DNAH7: variants seen among roughly 807,000 people sequenced by gnomAD.
The protein encoded by DNAH7 is dynein axonemal heavy chain 7.
A neutral mutation model predicts 444.6 loss-of-function variants in DNAH7; 397 were observed. That is an observed-to-expected ratio of 0.89 (90% CI 0.82 to 0.97). DNAH7 has a LOEUF of 0.97. Ranked by LOEUF, DNAH7 falls within the 50% of genes least tolerant of loss-of-function variation. DNAH7 has a pLI of 0.00. For synonymous variants in DNAH7, 1,636 were observed against 1,624.4 expected (o/e 1.01, Z -0.17); for missense variants, 4,902 against 4,800.8 (o/e 1.02, Z -0.62).
At chr2:195,926,389 A>G in intron 22 of DNAH7, 37 bp downstream of exon 22, 1 of 1,454,632 alleles carries the variant, frequency 6.9e-7, no homozygotes, top group Non-Finnish European at 9.1e-7. Flanking sequence ...CTATTGAAAA[A>G]ATGCTTAAAA....
chr2:195,779,530 T>A (rs1474741959), intron 58 of DNAH7, among the ~76,000 whole-genome samples: 1 of 152,170 alleles, frequency 6.6e-6, no homozygotes, highest in Non-Finnish European at 1.5e-5. Context: ...CCACAATTAT[T>A]TCATATGTTT....
rs199987831 is a variant in DNAH7 at position 195,987,977 on chromosome 2, T to G, written c.1606A>C (p.Ile536Leu). The change falls in exon 13 of 65, where the codon ATA becomes CTA. Residue 536 changes from isoleucine (I) to leucine (L), a missense_variant. Transcript: ENST00000312428. ...ICKYQKLIEEIQYTSIKTIRL... is the reference protein window; with the variant it reads ...ICKYQKLIEELQYTSIKTIRL... The stretch of plus-strand genomic sequence containing the variant: ...TTTACCTTTATGGATGTGTACTGTA[T>G]TTCCTCTATTAGTTTCTGGTATTTG... The G allele has an allele frequency of 5.5e-5, 88 of 1,611,420 alleles. No homozygotes were observed. The highest frequency in any genetic ancestry group is 3.3e-4 in the Admixed American group (20 of 59,782).
Position 195,888,353 on chromosome 2 carries a change from G to T in DNAH7, c.5311C>A (p.Pro1771Thr). The change falls in exon 33 of 65, where the codon CCT (proline) becomes ACT (threonine). Residue 1771 changes from proline to threonine, a missense_variant. By Grantham distance (38) the Pro-to-Thr change is conservative. Transcript: ENST00000312428. Reference protein sequence around the residue: ...PLMLSWVNLLPASVSVIQKEF... With the variant: ...PLMLSWVNLLTASVSVIQKEF... ...TTTTGAATAACACTGACTGACGCAG[G>T]TAACAGATTCACCCAGGACAACATC... The T allele has an allele frequency of 6.2e-7, 1 of 1,609,950 alleles. No individual in the cohort carries two copies. The highest frequency in any genetic ancestry group is 2.2e-5 in the East Asian group (1 of 44,624).
chr2:195,986,987 A>T, intron 14 of DNAH7, 79 bp downstream of exon 14: 1 of 1,276,384 alleles, frequency 7.8e-7, no homozygotes, highest in Non-Finnish European at 1.1e-6. Flanking sequence ...TGCTTTAATC[A>T]ATTACTCTAG....
At position 195,824,405 on chromosome 2, in the gene DNAH7, C is replaced by G. The variant is rs750482219; in HGVS notation, c.9141G>C (p.Leu3047Phe). The G allele has an allele frequency of 6.2e-7, 1 of 1,611,268 alleles. No individual in the cohort carries two copies. The highest frequency in any genetic ancestry group is 8.5e-7 in the Non-Finnish European group (1 of 1,178,498). Reference sequence around the variant, plus strand: ...AGGTTTGTTTTAGTAGAAGAGGTTCCAAAATAGGATCTAGTTCTTCGCCAA... The same window carrying G: ...AGGTTTGTTTTAGTAGAAGAGGTTCGAAAATAGGATCTAGTTCTTCGCCAA... The part of the protein sequence containing the change: ...ENVGEELDPI[L>F]EPLLLKQTFK... Residue 3047 changes from leucine to phenylalanine, a missense_variant, in exon 49 of 65, where the codon TTG (leucine) becomes TTC (phenylalanine). Leu to Phe is a conservative substitution (Grantham distance 22, BLOSUM62 0). Transcript: ENST00000312428.
intron 54 of DNAH7, among the ~76,000 whole-genome samples, chr2:195,805,449 G>A (rs1559109680): frequency 6.6e-6 from 1 of 152,106 alleles, no homozygotes; most frequent in East Asian, 1.9e-4. Context: ...AAACTTGTGA[G>A]GCTTAACACT....
chr2:195,909,927 G>T, intron 25 of DNAH7, 100 bp downstream of exon 25: 1 of 1,219,304 alleles, frequency 8.2e-7, no homozygotes, highest in Non-Finnish European at 1.1e-6. Flanking sequence ...TTTTACTTAA[G>T]CTACAGTAAA....
At chr2:195,986,696 T>C (rs1378003516) in intron 14 of DNAH7, among the ~76,000 whole-genome samples, 3 of 152,314 alleles carry the variant, frequency 2.0e-5, no homozygotes, top group East Asian at 3.9e-4. Flanking sequence ...AAGTTTCAAA[T>C]GTGATGGTCC....
chr2:195,953,740 T>C (rs527724356), intron 19 of DNAH7, among the ~76,000 whole-genome samples: 1 of 152,344 alleles, frequency 6.6e-6, no homozygotes, highest in Admixed American at 6.5e-5. Context: ...GTTTACACTG[T>C]AAGCCAGTTA....
chr2:195,861,908 T>A lies in DNAH7; in HGVS notation c.7545A>T (p.Arg2515=). The A allele has an allele frequency of 6.2e-7, 1 of 1,613,932 alleles. No individual in the cohort carries two copies. Among genetic ancestry groups the A allele is most frequent in the Non-Finnish European group, 8.5e-7 (1 of 1,179,876 alleles). Residue 2515 remains arginine (R), a synonymous_variant, in exon 42 of 65, where the codon CGA becomes CGT. Coordinates refer to ENST00000312428, the MANE Select transcript of DNAH7 (RefSeq NM_018897.3). ...CTGACATTTCAATTTCTTCCAAGAATCGTGAGGCAACTGCCTGGAGTGCAT... is the reference window on the plus strand; with the variant it reads ...CTGACATTTCAATTTCTTCCAAGAAACGTGAGGCAACTGCCTGGAGTGCAT... ...PEDALQAVAS[R]FLEEIEMSEE...
intron 40 of DNAH7, among the ~76,000 whole-genome samples, chr2:195,868,032 C>T (rs116097948): frequency 0.017 from 2,489 of 150,196 alleles, 36 homozygotes; most frequent in Non-Finnish European, 0.029. Flanking sequence ...TTACTGCCAG[C>T]TATGTATGAG....
In DNAH7 at chr2:195,789,387, G is replaced by A. The variant is rs549770884; in HGVS notation, c.10717-2216C>T. On this transcript the variant is annotated intron_variant, in intron 57 of 64. Coordinates refer to ENST00000312428, the MANE Select transcript of DNAH7 (RefSeq NM_018897.3). Reference sequence around the variant, plus strand: ...GGAGAAGGGAGAACTGTTGCTTGTAGTAGAGTGCCAAGTGTCGAATGTGGA... The same window carrying A: ...GGAGAAGGGAGAACTGTTGCTTGTAATAGAGTGCCAAGTGTCGAATGTGGA... Among the ~76,000 whole-genome samples, 44 of 152,166 alleles carry A rather than the reference G, an allele frequency of 2.9e-4. 1 individual carries two copies. Among genetic ancestry groups the A allele is most frequent in the Non-Finnish European group, 4.6e-4 (31 of 68,018 alleles).
intron 63 of DNAH7, among the ~76,000 whole-genome samples, chr2:195,746,238 A>G (rs1693395138): frequency 1.3e-5 from 2 of 152,066 alleles, no homozygotes; most frequent in Admixed American, 1.3e-4. Flanking sequence ...ACAAAGATCA[A>G]AAGAGACAAA....
chr2:195,856,227 T>C (rs1486578435), intron 44 of DNAH7, among the ~76,000 whole-genome samples: 1 of 152,198 alleles, frequency 6.6e-6, no homozygotes, highest in Non-Finnish European at 1.5e-5. Flanking sequence ...ATTTTGCCAG[T>C]ATGAATTTTG....
chr2:195,960,776 T>C lies in DNAH7; in HGVS notation c.2375A>G (p.Asn792Ser), dbSNP rs550370950. The change falls in exon 18 of 65, where the codon AAT becomes AGT. Residue 792 changes from asparagine to serine, a missense_variant. Asn to Ser is a conservative substitution (Grantham distance 46). Transcript: ENST00000312428. ...AATATCTGCTTCTACTTGGTCTGGATTCACTTTATGATATGGCCCTTCTGT... is the reference window on the plus strand; with the variant it reads ...AATATCTGCTTCTACTTGGTCTGGACTCACTTTATGATATGGCCCTTCTGT... Reference protein sequence around the residue: ...AWTEGPYHKVNPDQVEADIGN... With the variant: ...AWTEGPYHKVSPDQVEADIGN... 11 of 1,614,162 alleles carry C rather than the reference T, an allele frequency of 6.8e-6. No homozygotes were observed. The highest frequency in any genetic ancestry group is 1.7e-4 in the Middle Eastern group (1 of 6,060).
At chr2:195,829,692 C>A (rs1417036062) in intron 48 of DNAH7, among the ~76,000 whole-genome samples, 1 of 151,882 alleles carries the variant, frequency 6.6e-6, no homozygotes, top group African/African-American at 2.4e-5. Flanking sequence ...TAACATTTTT[C>A]TTAGTTTTGA....
At chr2:195,747,943 C>G (rs1326337721) in intron 63 of DNAH7, among the ~76,000 whole-genome samples, 1 of 152,184 alleles carries the variant, frequency 6.6e-6, no homozygotes, top group African/African-American at 2.4e-5. Context: ...GATGCCCTCT[C>G]TCACCACTCG....
At chr2:195,880,602 T>C (rs965965832) in intron 36 of DNAH7, among the ~76,000 whole-genome samples, 1 of 152,124 alleles carries the variant, frequency 6.6e-6, no homozygotes, top group Non-Finnish European at 1.5e-5. Flanking sequence ...CCTCCCAAAG[T>C]GCTGGGATTA....
chr2:195,778,681 CATATATAT>C (rs1185211093), intron 58 of DNAH7, among the ~76,000 whole-genome samples: 33 of 96,132 alleles, frequency 3.4e-4, no homozygotes, highest in Admixed American at 8.2e-4. Flanking sequence ...CACACACACA[CATATATAT>C]ACACATATAT....
Sources: gnomAD v4.1 joint callset for allele counts (sites outside exome capture counted in the v4.1 genomes callset) on GRCh38, gnomAD v4.1.1 for gene constraint, MANE v1.5 for transcripts, NCBI Gene and HGNC (gene_info 2026-07-23, HGNC 2026-07-21) for gene names.